The following CNTN4 variants were observed in gnomAD, a reference collection of about 807,000 sequenced individuals.
The protein encoded by CNTN4 is contactin-4.
CNTN4 carries 77 observed loss-of-function variants against 122.5 expected under a neutral mutation model. That is an observed-to-expected ratio of 0.63 (90% CI 0.52 to 0.76). The LOEUF is 0.76. Ranked by LOEUF, CNTN4 falls within the 30% of genes least tolerant of loss-of-function variation. CNTN4 has a pLI of 0.00. For synonymous variants in CNTN4, 512 were observed against 447.0 expected (o/e 1.15, Z -1.83); for missense variants, 1,256 against 1,259.1 (o/e 1.00, Z 0.04).
intron 3 of CNTN4, among the ~76,000 whole-genome samples, chr3:2,424,105 G>A (rs528951001): frequency 6.6e-6 from 1 of 150,724 alleles, no homozygotes; most frequent in South Asian, 2.1e-4. Context: ...TAGGGTACAT[G>A]TGCACAACGT....
intron 2 of CNTN4, among the ~76,000 whole-genome samples, chr3:2,181,349 T>C (rs1229713918): frequency 6.6e-6 from 1 of 152,072 alleles, no homozygotes; most frequent in Non-Finnish European, 1.5e-5. Context: ...TGATGAGATG[T>C]CAGTGATAAG....
In CNTN4 at chr3:2,274,432, A is replaced by G. The variant is rs374136789; in HGVS notation, c.-144-64746A>G. Among the ~76,000 whole-genome samples the G allele has an allele frequency of 3.3e-5, 5 of 152,178 alleles. No individual in the cohort carries two copies. In the East Asian group the frequency reaches 9.7e-4, roughly 29 times the overall value. ...AAACAACCCAGGAATCATTCTAGACATTATTTGTTTCTCAAATCTGTAATT... is the reference window on the plus strand; with the variant it reads ...AAACAACCCAGGAATCATTCTAGACGTTATTTGTTTCTCAAATCTGTAATT... On this transcript the variant is annotated intron_variant, in intron 2 of 24. Transcript: ENST00000418658.
At chr3:3,047,194 C>G (rs1203421122) in intron 23 of CNTN4, among the ~76,000 whole-genome samples, 1 of 152,088 alleles carries the variant, frequency 6.6e-6, no homozygotes, top group Admixed American at 6.5e-5. Flanking sequence ...TTTAACACCC[C>G]ACTGTCAACA....
At chr3:2,415,201 C>G (rs770522983) in intron 3 of CNTN4, among the ~76,000 whole-genome samples, 31 of 152,232 alleles carry the variant, frequency 2.0e-4, no homozygotes, top group Middle Eastern at 3.4e-3. Context: ...GCTAAGAAAA[C>G]CAGTGTCTAT....
At chr3:2,900,534 T>C in intron 10 of CNTN4, 151 bp from the exon 11 acceptor site, 1 of 829,206 alleles carries the variant, frequency 1.2e-6, no homozygotes, top group Non-Finnish European at 2.0e-6. Flanking sequence ...TATAGGCACC[T>C]CCCTGAATGT....
intron 2 of CNTN4, among the ~76,000 whole-genome samples, chr3:2,189,630 G>T (rs539686706): frequency 6.6e-6 from 1 of 152,142 alleles, no homozygotes; most frequent in South Asian, 2.1e-4. Flanking sequence ...AACAAAAAAA[G>T]AATGAGGGGC....
At chr3:2,882,802 T>G (rs961795444) in intron 8 of CNTN4, 12 of 280,376 alleles carry the variant, frequency 4.3e-5, no homozygotes, top group African/African-American at 2.7e-4. Context: ...TGCAGTATAC[T>G]TCCAAAGAGA....
chr3:2,222,676 C>T (rs1406267776), intron 2 of CNTN4, among the ~76,000 whole-genome samples: 2 of 151,778 alleles, frequency 1.3e-5, no homozygotes, highest in African/African-American at 2.4e-5. Flanking sequence ...CCAACACACA[C>T]CCCAGGGTAC....
intron 4 of CNTN4, among the ~76,000 whole-genome samples, chr3:2,598,866 G>A (rs1299703424): frequency 6.6e-6 from 1 of 151,858 alleles, no homozygotes. Flanking sequence ...TGAACAAATT[G>A]CCTCAAGCTC....
chr3:2,416,705 G>C (rs961141255), intron 3 of CNTN4, among the ~76,000 whole-genome samples: 1 of 151,734 alleles, frequency 6.6e-6, no homozygotes, highest in Non-Finnish European at 1.5e-5. Context: ...CCAGGCTGGA[G>C]TGCAGTGGTG....
chr3:2,607,800 C>A lies in CNTN4; in HGVS notation c.55+36242C>A, dbSNP rs554047344. ...GTTTTTAACCAATCTGTACAATGTTCTTACCTATTATGTCTGGCTTTTGAT... is the reference window on the plus strand; with the variant it reads ...GTTTTTAACCAATCTGTACAATGTTATTACCTATTATGTCTGGCTTTTGAT... On this transcript the variant is annotated intron_variant, in intron 4 of 24. Transcript: ENST00000418658. 8.5e-5 allele frequency among the ~76,000 whole-genome samples: 13 copies of A among 152,164 alleles called. No individual in the cohort carries two copies. In the South Asian group the frequency reaches 2.7e-3, roughly 32 times the overall value.
At chr3:3,038,835 A>G (rs1186716560) in intron 18 of CNTN4, 98 bp from the exon 19 acceptor site, 23 of 901,512 alleles carry the variant, frequency 2.6e-5, no homozygotes, top group South Asian at 1.9e-4. Flanking sequence ...CGTGCCTCAG[A>G]GTACTCACTG....
intron 3 of CNTN4, among the ~76,000 whole-genome samples, chr3:2,367,290 G>T (rs1291524012): frequency 1.3e-5 from 2 of 152,050 alleles, no homozygotes; most frequent in African/African-American, 4.8e-5. Flanking sequence ...TATATAAGTT[G>T]CTTTTCCAGA....
intron 2 of CNTN4, among the ~76,000 whole-genome samples, chr3:2,165,747 A>G (rs940275514): frequency 3.3e-5 from 5 of 150,908 alleles, no homozygotes; most frequent in Non-Finnish European, 7.4e-5. Flanking sequence ...TATGGGTTCA[A>G]CTCTTTTGGA....
intron 10 of CNTN4, 109 bp from the exon 11 acceptor site, chr3:2,900,576 G>A (rs2094162439): frequency 1.6e-5 from 21 of 1,274,870 alleles, no homozygotes; most frequent in Non-Finnish European, 2.2e-5. Flanking sequence ...ATAACATCTG[G>A]AAAAGGAATT....
chr3:2,285,775 A>G (rs2041879264), intron 2 of CNTN4, among the ~76,000 whole-genome samples: 1 of 152,128 alleles, frequency 6.6e-6, no homozygotes, highest in African/African-American at 2.4e-5. Context: ...ATAGGCACAT[A>G]AATACATGAT....
At chr3:2,389,832 T>G (rs1012806545) in intron 3 of CNTN4, among the ~76,000 whole-genome samples, 11 of 152,160 alleles carry the variant, frequency 7.2e-5, no homozygotes, top group Non-Finnish European at 1.2e-4. Flanking sequence ...GAAAAAAAAT[T>G]TCACGGAAGT....
chr3:2,853,896 C>T (rs1354685653), intron 7 of CNTN4, among the ~76,000 whole-genome samples: 1 of 152,164 alleles, frequency 6.6e-6, no homozygotes, highest in Non-Finnish European at 1.5e-5. Flanking sequence ...CTATGCTGGC[C>T]TTGGGGGAAT....
intron 4 of CNTN4, among the ~76,000 whole-genome samples, chr3:2,636,377 T>G (rs1306162128): frequency 6.6e-6 from 1 of 152,172 alleles, no homozygotes; most frequent in Non-Finnish European, 1.5e-5. Flanking sequence ...ACATAGAAGA[T>G]AGAATATTTA....
Sources: gnomAD v4.1 joint callset for allele counts (sites outside exome capture counted in the v4.1 genomes callset) on GRCh38, gnomAD v4.1.1 for gene constraint, MANE v1.5 for transcripts, NCBI Gene and HGNC (gene_info 2026-07-23, HGNC 2026-07-21) for gene names.